The following VAMP1 variants were observed in gnomAD, a reference collection of about 807,000 sequenced individuals.
VAMP1 encodes the protein vesicle-associated membrane protein 1.
Under a neutral mutation model 19.1 loss-of-function variants are expected in VAMP1, and 16 were observed. The observed-to-expected ratio is 0.84, with a 90% confidence interval of 0.57 to 1.27. The LOEUF (loss-of-function observed/expected upper bound fraction) is 1.27. VAMP1 is among the 50% of genes most tolerant of loss of function. The pLI is 0.00. For synonymous variants in VAMP1, 37 were observed against 50.2 expected (o/e 0.74, Z 1.11); for missense variants, 109 against 145.4 (o/e 0.75, Z 1.29).
rs1215199873 is a variant in VAMP1 at position 6,464,308 on chromosome 12, G to A, written c.*162C>T. On this transcript the variant is annotated 3_prime_UTR_variant, in exon 5 of 5. Transcript: ENST00000396308. ...ACGAGCAGCATTTCTAGTGTTGAGG[G>A]ACAGAGTGCAAATGAACGCAACGAA... 1 of 1,545,392 alleles carries A rather than the reference G, an allele frequency of 6.5e-7. No homozygotes were observed. Among genetic ancestry groups the A allele is most frequent in the Non-Finnish European group, 8.7e-7 (1 of 1,144,004 alleles).
In VAMP1 at chr12:6,464,367, G is replaced by A; in HGVS notation, c.*103C>T. On this transcript the variant is annotated 3_prime_UTR_variant, in exon 5 of 5. Coordinates refer to ENST00000396308, the MANE Select transcript of VAMP1 (RefSeq NM_014231.5). ...AATGGGTGATGGAGAAGCCTGGGCT[G>A]GAATGGAGGACGGTGGGTGGGGAAG... is the stretch of plus-strand genomic sequence containing the variant. 6.4e-7 allele frequency: 1 copy of A among 1,552,042 alleles called. No homozygotes were observed. Among genetic ancestry groups the A allele is most frequent in the Non-Finnish European group, 8.7e-7 (1 of 1,147,156 alleles).
At position 6,470,637 on chromosome 12, in the gene VAMP1, C is replaced by G. The variant is rs915387940; in HGVS notation, c.-106G>C. The stretch of plus-strand genomic sequence containing the variant: ...TGGACGGAACTGCCAAGCTCCGCCT[C>G]GCGCCGACTACCCCGCGGTCTAGCT... On this transcript the variant is annotated 5_prime_UTR_variant, in exon 1 of 5. Coordinates refer to ENST00000396308, the MANE Select transcript of VAMP1 (RefSeq NM_014231.5). The G allele has an allele frequency of 1.0e-5, 15 of 1,484,620 alleles. No individual in the cohort carries two copies. The African/African-American group carries it at 1.7e-4, about 16-fold the overall frequency. The allele number at this position is 1,484,620 out of a possible 1,614,324, so 92.0% of individuals were successfully genotyped here.
At position 6,470,577 on chromosome 12, in the gene VAMP1, G is replaced by A. The variant is rs752338594; in HGVS notation, c.-46C>T. On this transcript the variant is annotated 5_prime_UTR_variant, in exon 1 of 5. Coordinates refer to ENST00000396308, the MANE Select transcript of VAMP1 (RefSeq NM_014231.5). ...GGGTCTGTTCCTCTCCGGAGGCTGC[G>A]GCGAGACACCCGGTGAGGGACGCTG... The A allele has an allele frequency of 1.2e-6, 2 of 1,613,418 alleles. No homozygotes were observed. Among genetic ancestry groups the A allele is most frequent in the Non-Finnish European group, 8.5e-7 (1 of 1,179,552 alleles).
intron 1 of VAMP1, among the ~76,000 whole-genome samples, chr12:6,468,080 A>T (rs532870328): frequency 6.6e-6 from 1 of 152,238 alleles, no homozygotes; most frequent in Non-Finnish European, 1.5e-5. Context: ...GCCCCCACAC[A>T]GAGTCCCCAC....
rs745832349 is a variant in VAMP1 at position 6,462,851 on chromosome 12, G to A, written c.*1619C>T. The stretch of plus-strand genomic sequence containing the variant: ...AGCTCTTCAGTCCCGCCCTTGGGCA[G>A]GACGAAGGGAATGTGGGAAACAAGG... On this transcript the variant is annotated 3_prime_UTR_variant, in exon 5 of 5. Transcript: ENST00000396308. 5.8e-5 allele frequency: 93 copies of A among 1,606,214 alleles called. No homozygotes were observed. Among genetic ancestry groups the A allele is most frequent in the Non-Finnish European group, 7.7e-5 (91 of 1,176,312 alleles).
chr12:6,466,245 T>G lies in VAMP1; in HGVS notation c.109A>C (p.Thr37Pro). 1.9e-6 allele frequency: 3 copies of G among 1,614,208 alleles called. No homozygotes were observed. In the East Asian group the frequency reaches 6.7e-5, roughly 36 times the overall value. The part of the protein sequence containing the change: ...NMTSNRRLQQ[T>P]QAQVEEVVDI... Reference sequence around the variant, plus strand: ...CCTACCTCCTCCACTTGTGCCTGGGTTTGCTGTAGTCGTCTGTTACTGGTC... The same window carrying G: ...CCTACCTCCTCCACTTGTGCCTGGGGTTGCTGTAGTCGTCTGTTACTGGTC... Residue 37 changes from threonine to proline, a missense_variant, in exon 2 of 5, where the codon ACC becomes CCC. Transcript: ENST00000396308.
chr12:6,465,408 ATATATG>A (rs1489356694), intron 3 of VAMP1: 21 of 87,176 alleles, frequency 2.4e-4, no homozygotes, highest in African/African-American at 7.7e-4. Flanking sequence ...ATAAATGTAT[ATATATG>A]TATATATATA....
chr12:6,463,157 C>T lies in VAMP1; in HGVS notation c.*1313G>A. On this transcript the variant is annotated 3_prime_UTR_variant, in exon 5 of 5. Coordinates refer to ENST00000396308, the MANE Select transcript of VAMP1 (RefSeq NM_014231.5). The surrounding 1 kb of genome is among the most constrained non-coding windows in gnomAD (Gnocchi z 4.0). ...GGTTCCACTGTCTATACACACAAACCATGCAAAGAGGAGGAAGAGAAAGGA... is the reference window on the plus strand; with the variant it reads ...GGTTCCACTGTCTATACACACAAACTATGCAAAGAGGAGGAAGAGAAAGGA... 1 of 1,448,354 alleles carries T rather than the reference C, an allele frequency of 6.9e-7. No homozygotes were observed. The highest frequency in any genetic ancestry group is 9.0e-7 in the Non-Finnish European group (1 of 1,105,166). The allele number at this position is 1,448,354 out of a possible 1,614,324, so 89.7% of individuals were successfully genotyped here. A position where few individuals can be genotyped will look rare whatever the true frequency, so the allele number is the denominator to read the frequency against.
At chr12:6,466,988 T>G (rs1472562459) in intron 1 of VAMP1, 2 of 161,146 alleles carry the variant, frequency 1.2e-5, no homozygotes, top group Non-Finnish European at 2.7e-5. Context: ...TGAGATCTGA[T>G]GGGTTTATCA....
At chr12:6,465,166 T>C (rs990993383) in intron 3 of VAMP1, 33 of 578,988 alleles carry the variant, frequency 5.7e-5, no homozygotes, top group South Asian at 1.7e-4. Context: ...AGGACCTGCA[T>C]TGAGCTCCTT....
intron 1 of VAMP1, 58 bp downstream of exon 1, chr12:6,470,472 G>A (rs1945745249): frequency 1.2e-6 from 2 of 1,612,796 alleles, no homozygotes; most frequent in South Asian, 2.2e-5. Context: ...GCAGAATCGG[G>A]AGCTTGGGGC....
chr12:6,462,890 A>C lies in VAMP1; in HGVS notation c.*1580T>G. On this transcript the variant is annotated 3_prime_UTR_variant, in exon 5 of 5. Coordinates refer to ENST00000396308, the MANE Select transcript of VAMP1 (RefSeq NM_014231.5). ...TGGGAAACAAGGGCGAAAGGAAAGG[A>C]AGGATGGTTTTGAGCAATGAAATGC... The C allele has an allele frequency of 6.3e-7, 1 of 1,591,298 alleles. No homozygotes were observed. The highest frequency in any genetic ancestry group is 8.6e-7 in the Non-Finnish European group (1 of 1,168,676).
chr12:6,466,173 G>A, intron 2 of VAMP1, 52 bp downstream of exon 2: 2 of 1,613,554 alleles, frequency 1.2e-6, no homozygotes, highest in Non-Finnish European at 1.7e-6. Context: ...GTTCCCTTTT[G>A]TTTCCAAACT....
intron 1 of VAMP1, chr12:6,466,659 G>A (rs1408838414): frequency 8.3e-6 from 2 of 240,840 alleles, no homozygotes; most frequent in African/African-American, 2.3e-5. Flanking sequence ...GAGGCAAGAA[G>A]TAAAAGATGA....
At position 6,462,799 on chromosome 12, in the gene VAMP1, T is replaced by C. The variant is rs1442377866; in HGVS notation, c.*1671A>G. 3 of 1,590,274 alleles carry C rather than the reference T, an allele frequency of 1.9e-6. No homozygotes were observed. The highest frequency in any genetic ancestry group is 1.1e-5 in the South Asian group (1 of 87,638). ...GAGTGGAGACCTTCGAGGGGGGCCGTTGGGAGGGTACTGACTGCTTTCTTC... is the reference window on the plus strand; with the variant it reads ...GAGTGGAGACCTTCGAGGGGGGCCGCTGGGAGGGTACTGACTGCTTTCTTC... On this transcript the variant is annotated 3_prime_UTR_variant, in exon 5 of 5. Coordinates refer to ENST00000396308, the MANE Select transcript of VAMP1 (RefSeq NM_014231.5).
In VAMP1 at chr12:6,464,188, C is replaced by T. The variant is rs1272213784; in HGVS notation, c.*282G>A. 1.4e-6 allele frequency: 2 copies of T among 1,465,920 alleles called. No individual in the cohort carries two copies. The highest frequency in any genetic ancestry group is 1.4e-5 in the African/African-American group (1 of 71,568). 90.8% of individuals were successfully genotyped at this position (1,465,920 alleles called of 1,614,324 possible). Reference sequence around the variant, plus strand: ...CCCTGCCCCTTCCCTTGGCCTCCAACTCTTTGGGGCTTTGGGGGAACTTGA... The same window carrying T: ...CCCTGCCCCTTCCCTTGGCCTCCAATTCTTTGGGGCTTTGGGGGAACTTGA... On this transcript the variant is annotated 3_prime_UTR_variant, in exon 5 of 5. Coordinates refer to ENST00000396308, the MANE Select transcript of VAMP1 (RefSeq NM_014231.5).
At position 6,462,761 on chromosome 12, in the gene VAMP1, G is replaced by C; in HGVS notation, c.*1709C>G. On this transcript the variant is annotated 3_prime_UTR_variant, in exon 5 of 5. Coordinates refer to ENST00000396308, the MANE Select transcript of VAMP1 (RefSeq NM_014231.5). ...GGTGACCCCCTGCATTAGGCAAGGA[G>C]GAGCCCAGAGGAGAGTGGAGACCTT... 6.7e-7 allele frequency: 1 copy of C among 1,486,806 alleles called. No individual in the cohort carries two copies. The highest frequency in any genetic ancestry group is 1.3e-5 in the South Asian group (1 of 77,336). 92.1% of individuals were successfully genotyped at this position (1,486,806 alleles called of 1,614,324 possible).
At chr12:6,465,466 AGT>A (rs72418260) in intron 3 of VAMP1, 6,039 of 103,282 alleles carry the variant, frequency 0.058, 649 homozygotes, top group Admixed American at 0.13. Context: ...GTGTATATAT[AGT>A]GTGTGTGTGT....
At chr12:6,466,413 T>C in intron 1 of VAMP1, 62 bp from the exon 2 acceptor site, 5 of 1,558,802 alleles carry the variant, frequency 3.2e-6, no homozygotes, top group Non-Finnish European at 4.3e-6. Context: ...CTGGGCGTGG[T>C]AGCACACACC....
Sources: gnomAD v4.1 joint callset for allele counts (sites outside exome capture counted in the v4.1 genomes callset) on GRCh38, gnomAD v4.1.1 for gene constraint, Gnocchi (gnomAD v3.1) non-coding constraint, MANE v1.5 for transcripts, NCBI Gene and HGNC (gene_info 2026-07-23, HGNC 2026-07-21) for gene names.